SBNO2: variants seen among roughly 807,000 people sequenced by gnomAD.
The protein encoded by SBNO2 is strawberry notch homolog 2.
A neutral mutation model predicts 146.3 loss-of-function variants in SBNO2; 89 were observed. The observed-to-expected ratio is 0.61, with a 90% confidence interval of 0.51 to 0.73. The LOEUF (loss-of-function observed/expected upper bound fraction) is 0.73, where lower values mean the gene tolerates loss of function less well. SBNO2 is among the 30% of genes least tolerant of loss of function. The probability of loss-of-function intolerance (pLI) is 0.00; values close to 1 mark genes in which losing one functional copy is unlikely to be tolerated. For missense variants in SBNO2, 2,092 were observed against 2,003.7 expected, an observed-to-expected ratio of 1.04 and a Z score of -0.84; for synonymous variants, 1,147 against 892.6, an observed-to-expected ratio of 1.29 and a Z score of -5.08.
intron 11 of SBNO2, chr19:1,120,264 A>G: frequency 1.9e-6 from 1 of 522,568 alleles, no homozygotes; most frequent in Non-Finnish European, 3.4e-6. Flanking sequence ...GACTCTAAAC[A>G]ACACACACCG....
In SBNO2 at chr19:1,112,801, G is replaced by A. The variant is rs926914035; in HGVS notation, c.2379+17C>T. On this transcript the variant is annotated intron_variant, in intron 20 of 31. Transcript: ENST00000361757. The surrounding 1 kb of genome is among the most constrained non-coding windows in gnomAD (Gnocchi z 5.9). ...TTGGGTCCCGTGGGCCGCGCCCAGT[G>A]CACTGCAGCCCCGCACCTTCTCGCC... 3.3e-5 allele frequency: 52 copies of A among 1,559,018 alleles called. No individual in the cohort carries two copies. Among genetic ancestry groups the A allele is most frequent in the Non-Finnish European group, 4.2e-5 (48 of 1,153,660 alleles).
chr19:1,153,119 CT>C (rs1481759931), intron 2 of SBNO2, among the ~76,000 whole-genome samples: 1 of 151,414 alleles, frequency 6.6e-6, no homozygotes, highest in Non-Finnish European at 1.5e-5. Context: ...CACCACTGCA[CT>C]TCCAGCCTGG....
At chr19:1,118,890 A>T in intron 14 of SBNO2, 121 bp downstream of exon 14, 1 of 1,030,366 alleles carries the variant, frequency 9.7e-7, no homozygotes, top group Non-Finnish European at 1.4e-6. Context: ...CAAAAAAAAA[A>T]CCCCAGGACA....
chr19:1,114,193 G>A, intron 18 of SBNO2, 38 bp downstream of exon 18: 1 of 1,410,928 alleles, frequency 7.1e-7, no homozygotes, highest in Non-Finnish European at 9.3e-7. Flanking sequence ...CTGGAATCCT[G>A]ACCCACAGGT....
At chr19:1,114,534 T>C in intron 17 of SBNO2, 112 bp from the exon 18 acceptor site, 1 of 874,984 alleles carries the variant, frequency 1.1e-6, no homozygotes, top group Non-Finnish European at 1.6e-6. Context: ...GGGAGGTCCA[T>C]CCGAGAACCC....
At position 1,154,315 on chromosome 19, in the gene SBNO2, G is replaced by A; in HGVS notation, c.-39C>T. 1.7e-6 allele frequency: 2 copies of A among 1,183,116 alleles called. No homozygotes were observed. The highest frequency in any genetic ancestry group is 1.1e-6 in the Non-Finnish European group (1 of 939,098). 73.3% of individuals were successfully genotyped at this position (1,183,116 alleles called of 1,614,324 possible). A position where few individuals can be genotyped will look rare whatever the true frequency, so the allele number is the denominator to read the frequency against. ...GGGTGGGGTCCTCGGCCGGGCAGCA[G>A]GCGGCGGGACTCCAGGACCCGGGGC... On this transcript the variant is annotated 5_prime_UTR_variant, in exon 2 of 32. Transcript: ENST00000361757.
chr19:1,117,038 C>T (rs1259295527), intron 15 of SBNO2, 112 bp from the exon 16 acceptor site: 13 of 1,080,114 alleles, frequency 1.2e-5, no homozygotes, highest in Admixed American at 6.8e-5. Context: ...CTGCTGTGCT[C>T]GCCTCCCCAG....
intron 18 of SBNO2, among the ~76,000 whole-genome samples, chr19:1,113,930 G>A (rs2079799574): frequency 6.6e-6 from 1 of 152,196 alleles, no homozygotes; most frequent in Non-Finnish European, 1.5e-5. Flanking sequence ...ACCAAACACT[G>A]TGACCTCACT....
intron 3 of SBNO2, among the ~76,000 whole-genome samples, chr19:1,148,423 C>G (rs889757539): frequency 1.3e-5 from 2 of 151,916 alleles, no homozygotes; most frequent in Non-Finnish European, 2.9e-5. Flanking sequence ...CCTACCCCCC[C>G]TGCAGAACCC....
chr19:1,132,872 C>T (rs1218694464), intron 4 of SBNO2, among the ~76,000 whole-genome samples: 3 of 152,254 alleles, frequency 2.0e-5, no homozygotes, highest in Non-Finnish European at 4.4e-5. Context: ...CGGCCTCGGC[C>T]CCCTGGGCAG....
At chr19:1,130,959 C>A (rs913924974) in intron 4 of SBNO2, among the ~76,000 whole-genome samples, 1 of 152,164 alleles carries the variant, frequency 6.6e-6, no homozygotes, top group African/African-American at 2.4e-5. Context: ...CTAGCAGGTG[C>A]CCTCAGCGAT....
intron 11 of SBNO2, 34 bp downstream of exon 11, chr19:1,122,105 A>G: frequency 2.7e-5 from 31 of 1,146,690 alleles, no homozygotes; most frequent in Non-Finnish European, 3.3e-5. Flanking sequence ...CCCCTAATCC[A>G]GCCCTCCCCT....
intron 13 of SBNO2, 123 bp from the exon 14 acceptor site, chr19:1,119,287 C>T: frequency 8.0e-7 from 1 of 1,244,632 alleles, no homozygotes. Flanking sequence ...CTGGCGGCCA[C>T]TGAGGCAGTT....
chr19:1,160,219 C>T (rs936204686), intron 1 of SBNO2, among the ~76,000 whole-genome samples: 9 of 152,174 alleles, frequency 5.9e-5, no homozygotes, highest in South Asian at 2.1e-4. Context: ...GAAGAGCAGC[C>T]GCTCACCCAC....
chr19:1,134,185 A>T (rs1272062739), intron 4 of SBNO2, among the ~76,000 whole-genome samples: 2 of 146,204 alleles, frequency 1.4e-5, no homozygotes, highest in Non-Finnish European at 3.0e-5. Flanking sequence ...CTCACAGCTC[A>T]CGGGTGGACT....
At position 1,147,821 on chromosome 19, in the gene SBNO2, A is replaced by T. The variant is rs546036791; in HGVS notation, c.168-401T>A. Among the ~76,000 whole-genome samples the T allele has an allele frequency of 1.2e-4, 19 of 152,152 alleles. 1 individual carries two copies. The South Asian group carries it at 3.9e-3, about 32-fold the overall frequency. On this transcript the variant is annotated intron_variant, in intron 3 of 31. Transcript: ENST00000361757. ...GACCCACACCTCACTCCCGCCTCGA[A>T]GGAGGAGAGCGCTACGGGCAGAAAC...
Position 1,154,233 on chromosome 19 carries a change from T to G in SBNO2, c.44A>C (p.His15Pro), listed in dbSNP as rs764963541. Residue 15 changes from histidine (H) to proline (P), a missense_variant, in exon 2 of 32, where the codon CAT becomes CCT. Transcript: ENST00000361757. ...GAGGCTGCCCGCCGGCGGGGGTTCA[T>G]GCTGCGGGTAATCCCTGTCCATGGC... ...GPAMDRDYPQHEPPPAGSLLY... is the reference protein window; with the variant it reads ...GPAMDRDYPQPEPPPAGSLLY... The G allele has an allele frequency of 6.3e-5, 80 of 1,268,054 alleles. No homozygotes were observed. Among genetic ancestry groups the G allele is most frequent in the Admixed American group, 1.4e-4 (4 of 27,998 alleles). 78.6% of individuals were successfully genotyped at this position (1,268,054 alleles called of 1,614,324 possible). A position where few individuals can be genotyped will look rare whatever the true frequency, so the allele number is the denominator to read the frequency against.
intron 1 of SBNO2, among the ~76,000 whole-genome samples, chr19:1,161,930 G>A (rs2080351049): frequency 1.4e-5 from 1 of 70,176 alleles, no homozygotes; most frequent in South Asian, 6.0e-4. Flanking sequence ...GGGGGGTTGG[G>A]CCAGGCCTGC....
chr19:1,133,719 C>T (rs557804226), intron 4 of SBNO2, among the ~76,000 whole-genome samples: 152 of 151,906 alleles, frequency 1.0e-3, no homozygotes, highest in African/African-American at 3.6e-3. Flanking sequence ...TCACAGCCAC[C>T]GCTCAACCTA....
Sources: gnomAD v4.1 joint callset for allele counts (sites outside exome capture counted in the v4.1 genomes callset) on GRCh38, gnomAD v4.1.1 for gene constraint, Gnocchi (gnomAD v3.1) non-coding constraint, MANE v1.5 for transcripts, NCBI Gene and HGNC (gene_info 2026-07-23, HGNC 2026-07-21) for gene names.